ABCA7: variants seen among roughly 807,000 people sequenced by gnomAD.
ABCA7 encodes ATP binding cassette subfamily A member 7, also known as phospholipid-transporting ATPase ABCA7.
In ABCA7, 261 loss-of-function variants were observed where a neutral mutation model predicts 227.6. That is an observed-to-expected ratio of 1.15 (90% CI 1.04 to 1.27). The LOEUF (loss-of-function observed/expected upper bound fraction) is 1.27, where lower values mean the gene tolerates loss of function less well. ABCA7 is among the 50% of genes most tolerant of loss of function. The pLI, the probability that ABCA7 is intolerant of heterozygous loss-of-function variation, is 0.00. For missense variants in ABCA7, 3,331 were observed against 2,924.5 expected (o/e 1.14, Z -3.21); for synonymous variants, 1,488 against 1,279.7 (o/e 1.16, Z -3.47).
At chr19:1,062,349 A>G in intron 42 of ABCA7, 36 bp downstream of exon 42, 1 of 1,592,254 alleles carries the variant, frequency 6.3e-7, no homozygotes, top group Non-Finnish European at 8.5e-7. Context: ...CTCACCTCCC[A>G]GGGCCCACCC....
In ABCA7 at chr19:1,044,567, C is replaced by G. The variant is rs1438744470; in HGVS notation, c.1048-10C>G. 6.2e-7 allele frequency: 1 copy of G among 1,607,896 alleles called. No individual in the cohort carries two copies. The highest frequency in any genetic ancestry group is 8.5e-7 in the Non-Finnish European group (1 of 1,177,110). On this transcript the variant is annotated splice_polypyrimidine_tract_variant and intron_variant, in intron 10 of 46. Transcript: ENST00000263094. The stretch of plus-strand genomic sequence containing the variant: ...CGACCCAGACTCTCACTTTCACCTG[C>G]GCCCCCCAGCGGCTCCTGCAGATGC...
At chr19:1,045,464 G>A (rs1243328295) in intron 12 of ABCA7, 1 of 563,078 alleles carries the variant, frequency 1.8e-6, no homozygotes. Flanking sequence ...ATGAGAGCAG[G>A]TATAGGTTGA....
chr19:1,046,215 A>G lies in ABCA7; in HGVS notation c.1446-15A>G. 1.2e-6 allele frequency: 2 copies of G among 1,604,968 alleles called. No individual in the cohort carries two copies. Among genetic ancestry groups the G allele is most frequent in the Non-Finnish European group, 1.7e-6 (2 of 1,179,068 alleles). ...TAGCCCTTCCCTACAACCGGCCACC[A>G]TGCCCCTCTCGCAGGTTTTGGGACC... On this transcript the variant is annotated splice_polypyrimidine_tract_variant and intron_variant, in intron 12 of 46. Transcript: ENST00000263094.
intron 20 of ABCA7, 65 bp downstream of exon 20, chr19:1,051,359 G>C (rs2030898124): frequency 4.0e-6 from 6 of 1,493,638 alleles, no homozygotes; most frequent in Admixed American, 1.9e-5. Context: ...CTGAAGGCAG[G>C]GGGAAGCCGG....
intron 35 of ABCA7, 27 bp from the exon 36 acceptor site, chr19:1,057,888 C>A (rs766699622): frequency 1.2e-6 from 2 of 1,613,484 alleles, no homozygotes; most frequent in East Asian, 4.5e-5. Flanking sequence ...TGAGTGGTTA[C>A]TCCAGTGACT....
At position 1,048,955 on chromosome 19, in the gene ABCA7, C is replaced by T; in HGVS notation, c.2330C>T (p.Pro777Leu). The change falls in exon 17 of 47, where the codon CCT (proline) becomes CTT (leucine). Residue 777 changes from proline (P) to leucine (L), a missense_variant. Pro to Leu is a moderately conservative substitution (Grantham distance 98). Coordinates refer to ENST00000263094, the MANE Select transcript of ABCA7 (RefSeq NM_019112.4). Reference protein sequence around the residue: ...FPFRRSYWCGPRPPKSPAPCP... With the variant: ...FPFRRSYWCGLRPPKSPAPCP... ...TTTCGGAGGAGCTACTGGTGCGGAC[C>T]TCGGCCCCCCAAGAGTCCAGCCCCT... 6.2e-7 allele frequency: 1 copy of T among 1,609,694 alleles called. No homozygotes were observed. Among genetic ancestry groups the T allele is most frequent in the Non-Finnish European group, 8.5e-7 (1 of 1,178,492 alleles).
At chr19:1,043,563 G>A in intron 9 of ABCA7, 90 bp downstream of exon 9, 4 of 1,599,214 alleles carry the variant, frequency 2.5e-6, no homozygotes, top group Non-Finnish European at 3.4e-6. Flanking sequence ...CAGGCCGGAG[G>A]GTCACGGAAA....
intron 7 of ABCA7, 59 bp from the exon 8 acceptor site, chr19:1,042,982 C>T: frequency 6.5e-7 from 1 of 1,547,246 alleles, no homozygotes; most frequent in Non-Finnish European, 8.8e-7. Flanking sequence ...CAGTGCCCTG[C>T]CCTGGTTAGG....
intron 45 of ABCA7, 47 bp from the exon 46 acceptor site, chr19:1,064,884 G>T (rs753487460): frequency 3.5e-5 from 54 of 1,533,906 alleles, no homozygotes; most frequent in Non-Finnish European, 4.4e-5. Flanking sequence ...GCTGAGGTGG[G>T]ACCTGGGAAA....
Position 1,061,767 on chromosome 19 carries a change from TG to T in ABCA7, c.5464-12del, listed in dbSNP as rs1381993282. The T allele has an allele frequency of 6.2e-7, 1 of 1,608,048 alleles. No individual in the cohort carries two copies. The highest frequency in any genetic ancestry group is 1.7e-5 in the Admixed American group (1 of 59,602). ...CTGGGGCCTCACTGAGCACCATCTG[TG>T]GGCATCCCTGTAGTGTTTTGGGCTG... On this transcript the variant is annotated splice_polypyrimidine_tract_variant and intron_variant, in intron 40 of 46. Transcript: ENST00000263094.
chr19:1,050,670 C>T (rs2041497100), intron 18 of ABCA7, among the ~76,000 whole-genome samples: 2 of 150,468 alleles, frequency 1.3e-5, no homozygotes, highest in Non-Finnish European at 3.0e-5. Context: ...GTCCCAGCTA[C>T]TCGGGAGGCT....
At chr19:1,060,207 A>ATATATATATATATATATATATTTTTTTT in intron 40 of ABCA7, among the ~76,000 whole-genome samples, 7 of 96,860 alleles carry the variant, frequency 7.2e-5, no homozygotes, top group African/African-American at 2.4e-4. Flanking sequence ...ATATATATAT[A>ATATATATATATATATATATATTTTTTTT]TTTTTTTTTC....
rs1439014031 is a variant in ABCA7 at position 1,053,348 on chromosome 19, C to T, written c.3240C>T (p.Ala1080=). Residue 1080 remains alanine (A), a synonymous_variant, in exon 24 of 47, where the codon GCC becomes GCT. Coordinates refer to ENST00000263094, the MANE Select transcript of ABCA7 (RefSeq NM_019112.4). The part of the protein sequence containing the change: ...GSRVGTPQLL[A]LVQHWVPGAR... ...ACACAGGCACTCCTCAGCTGCTGGCCCTGGTACAGCACTGGGTGCCCGGGG... is the reference window on the plus strand; with the variant it reads ...ACACAGGCACTCCTCAGCTGCTGGCTCTGGTACAGCACTGGGTGCCCGGGG... 1 of 1,609,500 alleles carries T rather than the reference C, an allele frequency of 6.2e-7. No homozygotes were observed. Among genetic ancestry groups the T allele is most frequent in the African/African-American group, 1.3e-5 (1 of 74,978 alleles).
rs1407751913 is a variant in ABCA7 at position 1,043,815 on chromosome 19, G to A, written c.1021G>A (p.Asp341Asn). 4 of 1,613,158 alleles carry A rather than the reference G, an allele frequency of 2.5e-6. No individual in the cohort carries two copies. The highest frequency in any genetic ancestry group is 3.4e-6 in the Non-Finnish European group (4 of 1,179,962). The change falls in exon 10 of 47, where the codon GAC becomes AAC. Residue 341 changes from aspartate (D) to asparagine (N), a missense_variant. Coordinates refer to ENST00000263094, the MANE Select transcript of ABCA7 (RefSeq NM_019112.4). ...LGPRIFTFMNDSSNVAMLQRL... is the reference protein window; with the variant it reads ...LGPRIFTFMNNSSNVAMLQRL... ...ACCCCGGATCTTCACCTTCATGAAC[G>A]ACAGTTCCAATGTGGCCATGCTGCA...
chr19:1,044,577 C>T lies in ABCA7; in HGVS notation c.1048C>T (p.Arg350Trp), dbSNP rs771187987. ...TCTCACTTTCACCTGCGCCCCCCAG[C>T]GGCTCCTGCAGATGCAGGATGAAGG... ...NDSSNVAMLQ[R>W]LLQMQDEGRR... The change falls in exon 11 of 47, where the codon CGG becomes TGG. Residue 350 changes from arginine (R) to tryptophan (W), a missense_variant and splice_region_variant. Transcript: ENST00000263094. The T allele has an allele frequency of 2.3e-5, 37 of 1,610,132 alleles. No individual in the cohort carries two copies. Among genetic ancestry groups the T allele is most frequent in the African/African-American group, 4.0e-5 (3 of 74,888 alleles).
At position 1,046,980 on chromosome 19, in the gene ABCA7, G is replaced by T; in HGVS notation, c.1801G>T (p.Gly601Trp). 1 of 1,583,288 alleles carries T rather than the reference G, an allele frequency of 6.3e-7. No individual in the cohort carries two copies. Among genetic ancestry groups the T allele is most frequent in the Non-Finnish European group, 8.6e-7 (1 of 1,168,130 alleles). ...LWLGWFLSCL[G>W]PFLLSAALLV... The stretch of plus-strand genomic sequence containing the variant: ...GCTAGGCTGGTTCCTCAGCTGCCTC[G>T]GGCCCTTCCTGCTCAGCGCCGCACT... The change falls in exon 14 of 47, where the codon GGG (glycine) becomes TGG (tryptophan). Residue 601 changes from glycine to tryptophan, a missense_variant. Physicochemically the swap from Gly to Trp is radical, Grantham distance 184. Transcript: ENST00000263094.
In ABCA7 at chr19:1,044,587, A is replaced by G. The variant is rs776981452; in HGVS notation, c.1058A>G (p.Gln353Arg). 1 of 1,611,810 alleles carries G rather than the reference A, an allele frequency of 6.2e-7. No individual in the cohort carries two copies. The highest frequency in any genetic ancestry group is 8.5e-7 in the Non-Finnish European group (1 of 1,179,176). Residue 353 changes from glutamine to arginine, a missense_variant, in exon 11 of 47, where the codon CAG (glutamine) becomes CGG (arginine). By Grantham distance (43) the Gln-to-Arg change is conservative (BLOSUM62 1). Transcript: ENST00000263094. ...SNVAMLQRLL[Q>R]MQDEGRRQPR... ...ACCTGCGCCCCCCAGCGGCTCCTGC[A>G]GATGCAGGATGAAGGAAGAAGGCAG...
In ABCA7 at chr19:1,063,237, T is replaced by G. The variant is rs11881436; in HGVS notation, c.5713-307T>G. Among the ~76,000 whole-genome samples the G allele has an allele frequency of 2.4e-3, 195 of 80,198 alleles. 9 individuals carry two copies. Among genetic ancestry groups the G allele is most frequent in the African/African-American group, 8.9e-3 (157 of 17,660 alleles). 52.6% of individuals were successfully genotyped at this position (80,198 alleles called of 152,430 possible). A position where few individuals can be genotyped will look rare whatever the true frequency, so the allele number is the denominator to read the frequency against. On this transcript the variant is annotated intron_variant, in intron 42 of 46. Coordinates refer to ENST00000263094, the MANE Select transcript of ABCA7 (RefSeq NM_019112.4). ...GTGGCCCCGCCCCATACTCATGCTG[T>G]CTCCACCCACACCATGGCCCCGCCC...
rs1157725072 is a variant in ABCA7 at position 1,056,229 on chromosome 19, C to T, written c.4402C>T (p.Gln1468Ter). The change falls in exon 32 of 47, where the codon CAG becomes TAG. Residue 1468 changes from glutamine (Q) to a stop codon, truncating the protein, a stop_gained. Transcript: ENST00000263094. LOFTEE classifies it high-confidence loss of function. This position sits in a 1 kb window ranked among gnomAD's most constrained non-coding sequence, Gnocchi z 4.3. ...AGCCTGGGCTCACAGCCTGGATGCT[C>T]AGGACAGTCTCAAGGTGGGAACTGG... is the stretch of plus-strand genomic sequence containing the variant. Reference protein sequence around the residue: ...LTAWAHSLDAQDSLKIWFNNK... With the variant: ...LTAWAHSLDA 1 of 1,597,036 alleles carries T rather than the reference C, an allele frequency of 6.3e-7. No homozygotes were observed. Among genetic ancestry groups the T allele is most frequent in the Admixed American group, 1.7e-5 (1 of 59,496 alleles).
Sources: allele counts gnomAD v4.1 joint callset (sites outside exome capture counted in the v4.1 genomes callset), GRCh38; gene constraint gnomAD v4.1.1; non-coding constraint Gnocchi (gnomAD v3.1); transcripts MANE v1.5; gene names NCBI Gene and HGNC (gene_info 2026-07-23, HGNC 2026-07-21).